The following BMP1 variants were observed in gnomAD, a reference collection of about 807,000 sequenced individuals.
BMP1 encodes the protein bone morphogenetic protein 1.
A neutral mutation model predicts 116.8 loss-of-function variants in BMP1; 63 were observed. The ratio of observed to expected loss-of-function variants is 0.54; its 90% confidence interval spans 0.44 to 0.67. BMP1 has a LOEUF of 0.67. Ranked by LOEUF, BMP1 falls within the 30% of genes least tolerant of loss-of-function variation. The pLI, the probability that BMP1 is intolerant of heterozygous loss-of-function variation, is 0.00. For missense variants in BMP1, 1,183 were observed against 1,358.9 expected (o/e 0.87, Z 2.04); for synonymous variants, 536 against 533.4 (o/e 1.00, Z -0.07).
intron 16 of BMP1, among the ~76,000 whole-genome samples, chr8:22,202,503 G>A (rs1182185791): frequency 6.6e-6 from 1 of 152,246 alleles, no homozygotes; most frequent in Non-Finnish European, 1.5e-5. Context: ...CCCTGGGGAT[G>A]GTCAGAACAG....
At chr8:22,177,494 G>T (rs1828481236) in intron 5 of BMP1, 8 of 706,234 alleles carry the variant, frequency 1.1e-5, no homozygotes, top group Non-Finnish European at 1.8e-5. Flanking sequence ...TGCCTGGTCT[G>T]CCCTCCGAGG....
At chr8:22,206,717 C>A in intron 16 of BMP1, 137 bp from the exon 17 acceptor site, 1 of 1,288,404 alleles carries the variant, frequency 7.8e-7, no homozygotes, top group Non-Finnish European at 1.1e-6. Context: ...AGAAACGATG[C>A]CTGCCTGCCA....
intron 6 of BMP1, among the ~76,000 whole-genome samples, chr8:22,178,384 G>A (rs2131852349): frequency 6.6e-6 from 1 of 152,300 alleles, no homozygotes; most frequent in South Asian, 2.1e-4. Flanking sequence ...CAAACTCCTA[G>A]GCTCAAGGAA....
intron 15 of BMP1, chr8:22,201,193 C>T (rs143154292): frequency 3.7e-6 from 6 of 1,611,980 alleles, no homozygotes; most frequent in African/African-American, 1.3e-5. Context: ...AGAAACCGGA[C>T]CCCCCAGTGA....
chr8:22,201,006 C>CCCCCCCACAA, intron 15 of BMP1: 1 of 457,204 alleles, frequency 2.2e-6, no homozygotes, highest in South Asian at 1.9e-5. Flanking sequence ...CCACCCTGCC[C>CCCCCCCACAA]CTCAGATCCA....
chr8:22,176,612 C>G lies in BMP1; in HGVS notation c.513C>G (p.Asp171Glu), dbSNP rs758566212. The change falls in exon 4 of 20, where the codon GAC becomes GAG. Residue 171 changes from aspartate to glutamate, a missense_variant. Physicochemically the swap from Asp to Glu is conservative, Grantham distance 45 (BLOSUM62 2). Transcript: ENST00000306385. ...HTCVTFLERT[D>E]EDSYIVFTYR... Reference sequence around the variant, plus strand: ...GTGTCACCTTCCTGGAGCGCACTGACGAGGACAGCTATATTGTGTTCACCT... The same window carrying G: ...GTGTCACCTTCCTGGAGCGCACTGAGGAGGACAGCTATATTGTGTTCACCT... 4 of 1,614,174 alleles carry G rather than the reference C, an allele frequency of 2.5e-6. No homozygotes were observed. The highest frequency in any genetic ancestry group is 1.1e-5 in the South Asian group (1 of 91,082).
Position 22,179,593 on chromosome 8 carries a change from G to A in BMP1, c.837-112G>A. On this transcript the variant is annotated intron_variant, in intron 6 of 19. Transcript: ENST00000306385. The surrounding 1 kb of genome is among the most constrained non-coding windows in gnomAD (Gnocchi z 4.6). ...TCCACCCGGCCCTGACCCTGCTGAG[G>A]AATGTCTGAGCTCCAGCAGGGTCGT... 1 of 1,582,464 alleles carries A rather than the reference G, an allele frequency of 6.3e-7. No individual in the cohort carries two copies. Among genetic ancestry groups the A allele is most frequent in the East Asian group, 2.3e-5 (1 of 43,658 alleles).
intron 1 of BMP1, among the ~76,000 whole-genome samples, chr8:22,165,884 T>TGC (rs1481859671): frequency 5.3e-4 from 53 of 100,334 alleles, no homozygotes; most frequent in African/African-American, 1.4e-3. Flanking sequence ...TGTGCGTGCG[T>TGC]GTGTGTGTGT....
intron 8 of BMP1, 94 bp from the exon 9 acceptor site, chr8:22,191,955 C>A: frequency 1.7e-6 from 2 of 1,166,466 alleles, no homozygotes; most frequent in Non-Finnish European, 2.5e-6. Context: ...GGGGACCTGC[C>A]TCGCGTAAGG....
chr8:22,202,302 G>A (rs1323438766), intron 16 of BMP1, among the ~76,000 whole-genome samples: 2 of 152,230 alleles, frequency 1.3e-5, no homozygotes, highest in African/African-American at 2.4e-5. Context: ...CAGCCCTGCC[G>A]CTTCACTAGC....
At chr8:22,200,127 G>T (rs1829216397) in intron 15 of BMP1, among the ~76,000 whole-genome samples, 1 of 152,218 alleles carries the variant, frequency 6.6e-6, no homozygotes, top group Non-Finnish European at 1.5e-5. Context: ...TTCTATGCCA[G>T]GCACACCATC....
chr8:22,206,639 G>T (rs1325744217), intron 16 of BMP1, among the ~76,000 whole-genome samples: 1 of 152,154 alleles, frequency 6.6e-6, no homozygotes, highest in Non-Finnish European at 1.5e-5. Context: ...GCCATGTGAG[G>T]CCTCACTCAA....
intron 8 of BMP1, among the ~76,000 whole-genome samples, chr8:22,181,026 A>G (rs545973478): frequency 1.0e-3 from 154 of 152,196 alleles, no homozygotes; most frequent in Non-Finnish European, 1.9e-3. Flanking sequence ...CCTGGGAACA[A>G]TTAAGGAATG....
At chr8:22,165,701 G>A (rs1437175250) in intron 1 of BMP1, 148 bp downstream of exon 1, 1 of 963,026 alleles carries the variant, frequency 1.0e-6, no homozygotes, top group Non-Finnish European at 1.4e-6. Context: ...GAGGGGGAGA[G>A]GGAGGGGGAT....
chr8:22,178,120 C>T (rs1828507070), intron 6 of BMP1, among the ~76,000 whole-genome samples, 163 bp downstream of exon 6: 1 of 152,192 alleles, frequency 6.6e-6, no homozygotes, highest in African/African-American at 2.4e-5. Context: ...ATGTTGCCTG[C>T]CCTCCTGTCC....
At chr8:22,207,549 G>C in intron 18 of BMP1, 33 bp downstream of exon 18, 1 of 1,605,410 alleles carries the variant, frequency 6.2e-7, no homozygotes, top group Non-Finnish European at 8.5e-7. Context: ...TGTTCACTGA[G>C]CCTGGTCTCC....
At chr8:22,210,446 C>CTCTCTCTCTCTCT (rs1829442577) in intron 19 of BMP1, among the ~76,000 whole-genome samples, 1 of 135,654 alleles carries the variant, frequency 7.4e-6, no homozygotes, top group African/African-American at 2.9e-5. Flanking sequence ...TCTCTCTTTC[C>CTCTCTCTCTCTCT]CTCTCTCTCT....
chr8:22,211,015 G>A (rs1474487552), intron 19 of BMP1, among the ~76,000 whole-genome samples: 1 of 152,238 alleles, frequency 6.6e-6, no homozygotes, highest in Non-Finnish European at 1.5e-5. Context: ...ACCTAAGAAG[G>A]GCTCGGGAGC....
chr8:22,165,566 CG>C lies in BMP1; in HGVS notation c.148+15del, dbSNP rs1828067666. ...CCCTGCAAGGCGGGTGAGCGCCCCC[CG>C]GCCCCCCGGCGACGGGCCAGGCGGG... On this transcript the variant is annotated intron_variant, in intron 1 of 19. Coordinates refer to ENST00000306385, the MANE Select transcript of BMP1 (RefSeq NM_006129.5). The C allele has an allele frequency of 1.3e-6, 2 of 1,571,552 alleles. No homozygotes were observed. The highest frequency in any genetic ancestry group is 1.7e-6 in the Non-Finnish European group (2 of 1,162,974).
Sources: gnomAD v4.1 joint callset for allele counts (sites outside exome capture counted in the v4.1 genomes callset) on GRCh38, gnomAD v4.1.1 for gene constraint, Gnocchi (gnomAD v3.1) non-coding constraint, MANE v1.5 for transcripts, NCBI Gene and HGNC (gene_info 2026-07-23, HGNC 2026-07-21) for gene names.